Variants in GALK2 observed in about 807,000 individuals in gnomAD.
GALK2 encodes the protein N-acetylgalactosamine kinase.
Under a neutral mutation model 52.4 loss-of-function variants are expected in GALK2, and 36 were observed. The ratio of observed to expected loss-of-function variants is 0.69; its 90% CI spans 0.53 to 0.91. The LOEUF (loss-of-function observed/expected upper bound fraction) is 0.91, where lower values mean the gene tolerates loss of function less well. Among genes scored for constraint, GALK2 ranks in the 40% least tolerant of loss-of-function variants. GALK2 has a pLI of 0.00. For synonymous variants in GALK2, 176 were observed against 199.1 expected, an observed-to-expected ratio of 0.88 and a Z score of 0.98; for missense variants, 579 against 559.1, an observed-to-expected ratio of 1.04 and a Z score of -0.36.
intron 1 of GALK2, among the ~76,000 whole-genome samples, chr15:49,192,485 G>GTGTATATATATATA (rs1360198549): frequency 1.7e-4 from 18 of 102,974 alleles, no homozygotes; most frequent in African/African-American, 5.3e-4. Flanking sequence ...ATATATATAT[G>GTGTATATATATATA]TATATATATA....
chr15:49,261,659 A>T (rs1448541116), intron 5 of GALK2, among the ~76,000 whole-genome samples: 1 of 151,684 alleles, frequency 6.6e-6, no homozygotes, highest in East Asian at 1.9e-4. Context: ...TTTCAAAGGG[A>T]ATGCTTCCAG....
At chr15:49,211,052 T>G (rs2088843318) in intron 2 of GALK2, among the ~76,000 whole-genome samples, 1 of 151,910 alleles carries the variant, frequency 6.6e-6, no homozygotes, top group African/African-American at 2.4e-5. Flanking sequence ...TTTTTCAAAC[T>G]TGTTCACTCT....
At chr15:49,177,215 A>G (rs2085530253) in intron 1 of GALK2, among the ~76,000 whole-genome samples, 1 of 151,864 alleles carries the variant, frequency 6.6e-6, no homozygotes, top group Non-Finnish European at 1.5e-5. Flanking sequence ...TTTTGCTTTT[A>G]TCTGTTAATT....
intron 2 of GALK2, 143 bp from the exon 3 acceptor site, chr15:49,217,047 T>C (rs968254360): frequency 3.3e-6 from 2 of 601,484 alleles, no homozygotes; most frequent in South Asian, 4.7e-5. Context: ...GGGTTCTATT[T>C]GGCCATCTTG....
Position 49,330,127 on chromosome 15 carries a change from A to G in GALK2, c.*1968A>G, listed in dbSNP as rs12910486. ...AATGGACTTTGAGCATGGCCCTAAA[A>G]GATGAGTAGAGTTTAAAAGCTGTGG... is the stretch of plus-strand genomic sequence containing the variant. On this transcript the variant is annotated 3_prime_UTR_variant, in exon 10 of 10. Coordinates refer to ENST00000560031, the MANE Select transcript of GALK2 (RefSeq NM_002044.4). 0.99 allele frequency: 150,187 copies of G among 152,378 alleles called. 74,023 individuals carry two copies. Among genetic ancestry groups the G allele is most frequent in the Middle Eastern group, 1 (296 of 296 alleles). The allele number at this position is 152,378 out of a possible 1,614,324, so 9.4% of individuals were successfully genotyped here. A position where few individuals can be genotyped will look rare whatever the true frequency, so the allele number is the denominator to read the frequency against.
intron 3 of GALK2, among the ~76,000 whole-genome samples, chr15:49,227,512 A>T (rs2090200886): frequency 6.6e-6 from 1 of 151,542 alleles, no homozygotes; most frequent in South Asian, 2.1e-4. Flanking sequence ...TTCAATATAT[A>T]TGTGTTTTTT....
intron 2 of GALK2, among the ~76,000 whole-genome samples, chr15:49,213,771 T>C (rs1566943635): frequency 1.3e-5 from 2 of 152,174 alleles, no homozygotes; most frequent in African/African-American, 2.4e-5. Flanking sequence ...TTCCTTCTTG[T>C]CTTCCTTTGT....
intron 3 of GALK2, 127 bp downstream of exon 3, chr15:49,217,440 A>G (rs919582881): frequency 1.1e-6 from 1 of 942,250 alleles, no homozygotes; most frequent in African/African-American, 1.6e-5. Flanking sequence ...TGACATTAAA[A>G]AAATTCTAAG....
At chr15:49,156,824 G>C in intron 1 of GALK2, 1 of 719,000 alleles carries the variant, frequency 1.4e-6, no homozygotes. Flanking sequence ...CCCTCCTGAA[G>C]ACAAGAAAGC....
At chr15:49,335,644 A>G, downstream of GALK2, 1 of 543,728 alleles carries the variant, frequency 1.8e-6, no homozygotes, top group Non-Finnish European at 3.3e-6. Context: ...TTATGTCTGG[A>G]GTTACACTCA....
intron 8 of GALK2, among the ~76,000 whole-genome samples, chr15:49,299,113 T>C (rs1411476303): frequency 2.0e-5 from 3 of 152,102 alleles, no homozygotes; most frequent in Non-Finnish European, 2.9e-5. Flanking sequence ...AGGAATTCAG[T>C]TTCTTCCTGG....
At chr15:49,179,652 C>CTTTTTTTTTTTT (rs71875041) in intron 1 of GALK2, among the ~76,000 whole-genome samples, 1 of 138,178 alleles carries the variant, frequency 7.2e-6, no homozygotes, top group Non-Finnish European at 1.6e-5. Flanking sequence ...TTGTTTCTTT[C>CTTTTTTTTTTTT]TTTTTTTTTT....
intron 2 of GALK2, among the ~76,000 whole-genome samples, chr15:49,204,136 G>T (rs2088046989): frequency 6.6e-6 from 1 of 150,916 alleles, no homozygotes; most frequent in Non-Finnish European, 1.5e-5. Context: ...TCAGTTGGCT[G>T]TAAATACATG....
chr15:49,177,696 G>C, intron 1 of GALK2: 1 of 594,190 alleles, frequency 1.7e-6, no homozygotes, highest in Non-Finnish European at 2.6e-6. Context: ...CCCTACCAAG[G>C]CCACGGATCT....
chr15:49,225,257 C>T (rs534115821), intron 3 of GALK2: 4 of 455,928 alleles, frequency 8.8e-6, no homozygotes, highest in South Asian at 6.2e-5. Context: ...TGCAGATAGG[C>T]CACACCATTC....
chr15:49,330,758 AGAG>A lies in GALK2; in HGVS notation c.*2600_*2602del, dbSNP rs1567081727. ...GAAGATAGACCAAAAAAAAAAAAAA[AGAG>A]AGAAAGAATGAATATTTTTGTGTGT... On this transcript the variant is annotated 3_prime_UTR_variant, in exon 10 of 10. Transcript: ENST00000560031. 6.7e-6 allele frequency: 1 copy of A among 149,302 alleles called. No individual in the cohort carries two copies. The highest frequency in any genetic ancestry group is 2.5e-5 in the African/African-American group (1 of 40,532). The allele number at this position is 149,302 out of a possible 1,614,324, so 9.2% of individuals were successfully genotyped here.
chr15:49,334,299 AGTT>A (rs1375525758), downstream of GALK2: 1 of 949,932 alleles, frequency 1.1e-6, no homozygotes, highest in Non-Finnish European at 1.3e-6. Flanking sequence ...TTCCCTATAA[AGTT>A]AAAGTTTGAA....
intron 8 of GALK2, among the ~76,000 whole-genome samples, chr15:49,293,580 C>T (rs568796540): frequency 2.6e-4 from 40 of 152,308 alleles, no homozygotes; most frequent in African/African-American, 9.6e-4. Context: ...AAAATATTTA[C>T]TATATGGTTC....
chr15:49,189,286 A>G (rs2086565787), intron 1 of GALK2, among the ~76,000 whole-genome samples: 1 of 152,184 alleles, frequency 6.6e-6, no homozygotes, highest in Non-Finnish European at 1.5e-5. Context: ...CTTTTATATA[A>G]TCGTAGCATA....
Sources: gnomAD v4.1 joint callset for allele counts (sites outside exome capture counted in the v4.1 genomes callset) on GRCh38, gnomAD v4.1.1 for gene constraint, MANE v1.5 for transcripts, NCBI Gene and HGNC (gene_info 2026-07-23, HGNC 2026-07-21) for gene names.